Variants in GDPD1 observed in about 807,000 individuals in gnomAD.
GDPD1 encodes the protein lysophospholipase D GDPD1.
In GDPD1, 28 loss-of-function variants were observed where a neutral mutation model predicts 45.1. The observed-to-expected ratio is 0.62, with a 90% confidence interval of 0.46 to 0.85. The LOEUF is 0.85. Among genes scored for constraint, GDPD1 ranks in the 40% least tolerant of loss-of-function variants. GDPD1 has a pLI of 0.00. For synonymous variants in GDPD1, 139 were observed against 131.4 expected (o/e 1.06, Z -0.40); for missense variants, 256 against 364.8 (o/e 0.70, Z 2.43).
At position 59,263,837 on chromosome 17, in the gene GDPD1, C is replaced by G. The variant is rs917144461; in HGVS notation, c.577-3204C>G. Among the ~76,000 whole-genome samples the G allele has an allele frequency of 3.3e-5, 5 of 151,806 alleles. No individual in the cohort carries two copies. In the South Asian group the frequency reaches 1.0e-3, roughly 32 times the overall value. ...GAATTTTACATCAGCCTTTTAATTT[C>G]CAGATGTAAACCCAAAATATAAACA... On this transcript the variant is annotated intron_variant, in intron 6 of 9. Coordinates refer to ENST00000284116, the MANE Select transcript of GDPD1 (RefSeq NM_182569.4).
intron 3 of GDPD1, among the ~76,000 whole-genome samples, chr17:59,246,773 C>A (rs1273304599): frequency 7.5e-6 from 1 of 133,770 alleles, no homozygotes; most frequent in Admixed American, 7.5e-5. Flanking sequence ...AGCAAGGAAA[C>A]ATAAGAGATA....
At chr17:59,267,251 A>G in intron 7 of GDPD1, 77 bp downstream of exon 7, 4 of 1,274,794 alleles carry the variant, frequency 3.1e-6, no homozygotes, top group African/African-American at 1.5e-5. Context: ...TAATATCAAT[A>G]TCAATGATGA....
chr17:59,242,821 C>T (rs1597972799), intron 2 of GDPD1, among the ~76,000 whole-genome samples: 1 of 152,184 alleles, frequency 6.6e-6, no homozygotes, highest in Admixed American at 6.5e-5. Context: ...CTGAAGAGGC[C>T]AGGCCCCTCA....
rs915647998 is a variant in GDPD1, at chr17:59,220,573, G to A, written c.-37G>A. 7.5e-6 allele frequency: 12 copies of A among 1,601,518 alleles called. No individual in the cohort carries two copies. In the African/African-American group the frequency reaches 1.6e-4, roughly 21 times the overall value. On this transcript the variant is annotated 5_prime_UTR_variant, in exon 1 of 10. Transcript: ENST00000284116. Reference sequence around the variant, plus strand: ...GCTACTGCCGCAGCGGAGTTCAGAGGGCCCGGAGGTGGGAGACTTCCCACA... The same window carrying A: ...GCTACTGCCGCAGCGGAGTTCAGAGAGCCCGGAGGTGGGAGACTTCCCACA...
Position 59,260,259 on chromosome 17 carries a change from C to T in GDPD1, c.576+2419C>T, listed in dbSNP as rs2047345136. Among the ~76,000 whole-genome samples the T allele has an allele frequency of 2.6e-5, 4 of 151,122 alleles. No homozygotes were observed. In the South Asian group the frequency reaches 6.3e-4, roughly 24 times the overall value. On this transcript the variant is annotated intron_variant, in intron 6 of 9. Coordinates refer to ENST00000284116, the MANE Select transcript of GDPD1 (RefSeq NM_182569.4). ...AATTTTCTGGTTAAAGAAAATATGT[C>T]GGCCAGGCACAGTGGCTCACGCTTG...
chr17:59,273,362 A>G (rs1025547470), intron 9 of GDPD1, among the ~76,000 whole-genome samples: 13 of 152,120 alleles, frequency 8.5e-5, no homozygotes, highest in Admixed American at 3.9e-4. Context: ...TCCGGACCTC[A>G]GGTGATCTGC....
At chr17:59,231,242 C>T (rs1351208672) in intron 1 of GDPD1, among the ~76,000 whole-genome samples, 1 of 152,046 alleles carries the variant, frequency 6.6e-6, no homozygotes, top group Non-Finnish European at 1.5e-5. Context: ...TGTACTTTCC[C>T]CTAAACGTGA....
At chr17:59,232,724 T>C (rs1198678192) in intron 1 of GDPD1, among the ~76,000 whole-genome samples, 2 of 152,146 alleles carry the variant, frequency 1.3e-5, no homozygotes. Context: ...AGAAATCATG[T>C]TCTTTTATAA....
intron 4 of GDPD1, among the ~76,000 whole-genome samples, chr17:59,249,434 A>G (rs563511882): frequency 6.6e-6 from 1 of 152,074 alleles, no homozygotes; most frequent in Non-Finnish European, 1.5e-5. Flanking sequence ...AAATAAATAA[A>G]TAAATAAATG....
intron 7 of GDPD1, among the ~76,000 whole-genome samples, chr17:59,270,216 CAG>C (rs1442959988): frequency 6.7e-6 from 1 of 149,082 alleles, no homozygotes; most frequent in Non-Finnish European, 1.5e-5. Flanking sequence ...TTTTTTGAGA[CAG>C]AGTTTTACTT....
At position 59,267,210 on chromosome 17, in the gene GDPD1, C is replaced by T. The variant is rs115029299; in HGVS notation, c.710+36C>T. The T allele has an allele frequency of 1.1e-3, 1,758 of 1,555,824 alleles. 14 individuals are homozygous for T. In the African/African-American group the frequency reaches 0.021, roughly 19 times the overall value. ...ACCCTTTTATTTTAAAATCAATTAT[C>T]AATTACAGAAAGACTAAGATAAAAG... On this transcript the variant is annotated intron_variant, in intron 7 of 9. Coordinates refer to ENST00000284116, the MANE Select transcript of GDPD1 (RefSeq NM_182569.4).
chr17:59,253,274 A>C (rs1027991257), intron 4 of GDPD1, among the ~76,000 whole-genome samples: 2 of 152,000 alleles, frequency 1.3e-5, no homozygotes, highest in African/African-American at 4.8e-5. Flanking sequence ...ACCACTTCCT[A>C]GCTGGTTATC....
chr17:59,248,851 G>A (rs2047232472), intron 4 of GDPD1, 66 bp downstream of exon 4: 1 of 1,201,936 alleles, frequency 8.3e-7, no homozygotes, highest in Non-Finnish European at 1.2e-6. Context: ...TCTTGTCATA[G>A]TAAGTTCTTA....
At chr17:59,265,714 A>G (rs1245250409) in intron 6 of GDPD1, among the ~76,000 whole-genome samples, 1 of 151,806 alleles carries the variant, frequency 6.6e-6, no homozygotes, top group East Asian at 1.9e-4. Context: ...CCTGGGTGAC[A>G]TGGTGAAACC....
intron 5 of GDPD1, among the ~76,000 whole-genome samples, 199 bp from the exon 6 acceptor site, chr17:59,257,547 CTCTAT>C (rs1255821724): frequency 6.6e-6 from 1 of 152,086 alleles, no homozygotes; most frequent in Non-Finnish European, 1.5e-5. Context: ...TACTAAATAA[CTCTAT>C]TCTGTTAAAT....
At chr17:59,234,361 A>C (rs181130032) in intron 1 of GDPD1, 131 bp from the exon 2 acceptor site, 10 of 621,600 alleles carry the variant, frequency 1.6e-5, no homozygotes, top group Middle Eastern at 4.5e-4. Context: ...AAAAAAACCC[A>C]AAAAAACACT....
rs2047470131 is a variant in GDPD1, at chr17:59,274,841, AG to A, written c.*1069del. Among the ~76,000 whole-genome samples the A allele has an allele frequency of 2.0e-5, 3 of 148,312 alleles. No homozygotes were observed. Among genetic ancestry groups the A allele is most frequent in the South Asian group, 2.1e-4 (1 of 4,754 alleles). On this transcript the variant is annotated 3_prime_UTR_variant, in exon 10 of 10. Transcript: ENST00000284116. ...CACTGGAATACAATCAATTAGTAAA[AG>A]ATTTTTTTTTTTTTTTTGACATGTA...
chr17:59,272,857 A>AT (rs778901623), intron 9 of GDPD1, 21 bp downstream of exon 9: 2 of 1,613,852 alleles, frequency 1.2e-6, no homozygotes, highest in Non-Finnish European at 1.7e-6. Context: ...GGAATGATGC[A>AT]TTTTGGAAGC....
intron 2 of GDPD1, among the ~76,000 whole-genome samples, chr17:59,236,456 G>C (rs1395780082): frequency 2.8e-4 from 42 of 151,998 alleles, no homozygotes; most frequent in Admixed American, 2.8e-3. Flanking sequence ...TTCAGAAGAA[G>C]GGAACACCTC....
Sources: allele counts gnomAD v4.1 joint callset (sites outside exome capture counted in the v4.1 genomes callset), GRCh38; gene constraint gnomAD v4.1.1; transcripts MANE v1.5; gene names NCBI Gene and HGNC (gene_info 2026-07-23, HGNC 2026-07-21).